SGMS1: variants seen among roughly 807,000 people sequenced by gnomAD.
The protein encoded by SGMS1 is sphingomyelin synthase 1, also known as phosphatidylcholine:ceramide cholinephosphotransferase 1.
In SGMS1, 13 loss-of-function variants were observed where a neutral mutation model predicts 46.2. The ratio of observed to expected loss-of-function variants is 0.28; its 90% confidence interval spans 0.18 to 0.45. The LOEUF (loss-of-function observed/expected upper bound fraction) is 0.45. Among genes scored for constraint, SGMS1 ranks in the 20% least tolerant of loss-of-function variants. SGMS1 has a pLI of 1.00. For missense variants in SGMS1, 324 were observed against 519.9 expected (o/e 0.62, Z 3.66); for synonymous variants, 203 against 187.8 (o/e 1.08, Z -0.66).
intron 6 of SGMS1, among the ~76,000 whole-genome samples, chr10:50,367,896 G>A (rs1848373455): frequency 6.6e-6 from 1 of 152,164 alleles, no homozygotes; most frequent in Admixed American, 6.5e-5. Context: ...ACAGGATCAG[G>A]TTGTAAAGTG....
At chr10:50,564,349 T>C (rs555279716) in intron 2 of SGMS1, among the ~76,000 whole-genome samples, 8 of 152,356 alleles carry the variant, frequency 5.3e-5, no homozygotes, top group African/African-American at 1.7e-4. Context: ...TTGTCTTCAC[T>C]TTGTGATCAT....
intron 6 of SGMS1, among the ~76,000 whole-genome samples, chr10:50,427,916 C>G (rs1849350073): frequency 6.6e-6 from 1 of 151,914 alleles, no homozygotes; most frequent in Non-Finnish European, 1.5e-5. Flanking sequence ...AGCAGTGGAA[C>G]AGTTGATAGG....
chr10:50,438,585 A>G (rs1365492994), intron 5 of SGMS1, among the ~76,000 whole-genome samples: 1 of 152,226 alleles, frequency 6.6e-6, no homozygotes, highest in African/African-American at 2.4e-5. Context: ...CCCGACCCAC[A>G]GAAACTGTGA....
At chr10:50,536,275 G>A (rs996132872) in intron 2 of SGMS1, among the ~76,000 whole-genome samples, 13 of 152,230 alleles carry the variant, frequency 8.5e-5, no homozygotes, top group Admixed American at 2.6e-4. Context: ...CAAGGCTGCA[G>A]TGAGCTGTGA....
intron 7 of SGMS1, 27 bp from the exon 8 acceptor site, chr10:50,327,349 T>C: frequency 7.6e-7 from 1 of 1,311,188 alleles, no homozygotes; most frequent in Non-Finnish European, 1.1e-6. Flanking sequence ...ACAGGGCAGA[T>C]TCTCAGTCAA....
intron 3 of SGMS1, among the ~76,000 whole-genome samples, chr10:50,499,007 C>T (rs1222197321): frequency 6.6e-6 from 1 of 152,038 alleles, no homozygotes; most frequent in Non-Finnish European, 1.5e-5. Flanking sequence ...AGTAGCCATC[C>T]TACTGGTAAT....
chr10:50,509,198 C>T (rs1028953194), intron 3 of SGMS1, among the ~76,000 whole-genome samples: 1 of 152,182 alleles, frequency 6.6e-6, no homozygotes, highest in African/African-American at 2.4e-5. Flanking sequence ...CCACGAATCA[C>T]AGCCAAGAGT....
At chr10:50,444,932 A>T (rs1259771632) in intron 5 of SGMS1, among the ~76,000 whole-genome samples, 1 of 152,172 alleles carries the variant, frequency 6.6e-6, no homozygotes, top group Non-Finnish European at 1.5e-5. Flanking sequence ...GGCAACCACC[A>T]ACTGGAAAAA....
At chr10:50,420,517 T>C (rs542893222) in intron 6 of SGMS1, among the ~76,000 whole-genome samples, 49 of 152,332 alleles carry the variant, frequency 3.2e-4, no homozygotes, top group Non-Finnish European at 6.6e-4. Flanking sequence ...CTCAGTCAAT[T>C]AAATAATTTT....
intron 2 of SGMS1, among the ~76,000 whole-genome samples, chr10:50,581,429 TAACTC>T: frequency 6.6e-6 from 1 of 152,168 alleles, no homozygotes; most frequent in East Asian, 1.9e-4. Context: ...ACCAACAAAA[TAACTC>T]AGAGTGGTGC....
chr10:50,324,555 G>A (rs957055413), intron 8 of SGMS1, among the ~76,000 whole-genome samples: 4 of 152,172 alleles, frequency 2.6e-5, no homozygotes, highest in African/African-American at 7.2e-5. Context: ...GTTCTCAGTG[G>A]AGGATTCTAG....
intron 6 of SGMS1, among the ~76,000 whole-genome samples, chr10:50,433,230 T>C (rs1270375610): frequency 6.6e-6 from 1 of 152,218 alleles, no homozygotes; most frequent in Non-Finnish European, 1.5e-5. Flanking sequence ...CTTCAAATAC[T>C]TATGCTCTGT....
chr10:50,361,757 G>A (rs77983801), intron 6 of SGMS1, among the ~76,000 whole-genome samples: 1 of 152,068 alleles, frequency 6.6e-6, no homozygotes, highest in African/African-American at 2.4e-5. Context: ...ACTACCATGA[G>A]ATCTAGTTCA....
At chr10:50,596,967 T>C (rs1205086193) in intron 1 of SGMS1, among the ~76,000 whole-genome samples, 1 of 152,208 alleles carries the variant, frequency 6.6e-6, no homozygotes, top group Admixed American at 6.5e-5. Context: ...GTTTTGAACA[T>C]GGGGTCTTTA....
At chr10:50,398,618 T>C (rs191665254) in intron 6 of SGMS1, among the ~76,000 whole-genome samples, 5 of 152,232 alleles carry the variant, frequency 3.3e-5, no homozygotes, top group African/African-American at 9.6e-5. Flanking sequence ...GTAGCAAGTC[T>C]TCTGAGAAAT....
intron 2 of SGMS1, among the ~76,000 whole-genome samples, chr10:50,549,121 T>C (rs1005214425): frequency 1.3e-5 from 2 of 152,230 alleles, no homozygotes; most frequent in Non-Finnish European, 2.9e-5. Context: ...CCAACCATTG[T>C]GGAAGACAGT....
At chr10:50,456,902 T>G (rs1333686340) in intron 5 of SGMS1, among the ~76,000 whole-genome samples, 6 of 152,216 alleles carry the variant, frequency 3.9e-5, no homozygotes, top group African/African-American at 1.4e-4. Flanking sequence ...CATGCTACAG[T>G]CATGCACAGC....
At chr10:50,322,833 C>T (rs1847470807) in intron 8 of SGMS1, among the ~76,000 whole-genome samples, 2 of 115,780 alleles carry the variant, frequency 1.7e-5, no homozygotes, top group African/African-American at 3.8e-5. Context: ...AGCGAGACTC[C>T]GTCTCAAAAA....
chr10:50,402,402 C>T (rs1443318900), intron 6 of SGMS1, among the ~76,000 whole-genome samples: 1 of 152,120 alleles, frequency 6.6e-6, no homozygotes, highest in Non-Finnish European at 1.5e-5. Flanking sequence ...ATAAACAAAA[C>T]CATTAGACAT....
Sources: gnomAD v4.1 joint callset for allele counts (sites outside exome capture counted in the v4.1 genomes callset) on GRCh38, gnomAD v4.1.1 for gene constraint, MANE v1.5 for transcripts, NCBI Gene and HGNC (gene_info 2026-07-23, HGNC 2026-07-21) for gene names.